The following NCAM1 variants were observed in gnomAD, a reference collection of about 807,000 sequenced individuals.
The protein encoded by NCAM1 is antigen recognized by monoclonal antibody 5.1H11.
In NCAM1, 14 loss-of-function variants were observed where a neutral mutation model predicts 109.8. The observed-to-expected ratio is 0.13, with a 90% CI of 0.08 to 0.20. The LOEUF is 0.20. Among genes scored for constraint, NCAM1 ranks in the 10% least tolerant of loss-of-function variants. The probability of loss-of-function intolerance (pLI) is 1.00; values close to 1 mark genes in which losing one functional copy is unlikely to be tolerated. For missense variants in NCAM1, 774 were observed against 1,109.9 expected, an observed-to-expected ratio of 0.70 and a Z score of 4.30; for synonymous variants, 418 against 442.9, an observed-to-expected ratio of 0.94 and a Z score of 0.70.
chr11:113,194,830 G>A (rs1943806001), intron 1 of NCAM1, among the ~76,000 whole-genome samples: 1 of 152,216 alleles, frequency 6.6e-6, no homozygotes, highest in South Asian at 2.1e-4. Flanking sequence ...GGCGACTTTA[G>A]ACAGCATTTC....
chr11:113,027,185 C>T (rs17114694), intron 1 of NCAM1, among the ~76,000 whole-genome samples: 6,363 of 151,944 alleles, frequency 0.042, 451 homozygotes, highest in Admixed American at 0.14. Flanking sequence ...TGTTGCTTCA[C>T]CAAAAAATAA....
chr11:113,087,875 G>A (rs1939159361), intron 1 of NCAM1, among the ~76,000 whole-genome samples: 1 of 152,184 alleles, frequency 6.6e-6, no homozygotes, highest in Non-Finnish European at 1.5e-5. Flanking sequence ...CAGAGGACAT[G>A]GTCTATCCTT....
intron 1 of NCAM1, among the ~76,000 whole-genome samples, chr11:113,183,587 AT>A (rs1231921181): frequency 6.6e-6 from 1 of 152,048 alleles, no homozygotes; most frequent in Non-Finnish European, 1.5e-5. Flanking sequence ...TCTTGGTGTG[AT>A]TTTTTTTATC....
intron 17 of NCAM1, chr11:113,265,145 C>A: frequency 1.0e-6 from 1 of 985,260 alleles, no homozygotes; most frequent in Non-Finnish European, 1.2e-6. Flanking sequence ...TCAGTGAGGG[C>A]TTTATGAAGT....
intron 14 of NCAM1, chr11:113,242,855 A>G (rs1555119366): frequency 6.2e-7 from 1 of 1,613,974 alleles, no homozygotes; most frequent in South Asian, 1.1e-5. Context: ...TAGTGAGTAC[A>G]GGGCTGAGTT....
intron 1 of NCAM1, among the ~76,000 whole-genome samples, chr11:112,990,194 G>C (rs1339882445): frequency 6.6e-6 from 1 of 152,204 alleles, no homozygotes; most frequent in Admixed American, 6.5e-5. Flanking sequence ...GTAGAGAGCA[G>C]GCTTGATTAC....
intron 1 of NCAM1, among the ~76,000 whole-genome samples, chr11:113,087,323 A>G (rs1190235236): frequency 6.6e-6 from 1 of 152,240 alleles, no homozygotes; most frequent in African/African-American, 2.4e-5. Context: ...CACTATGCTT[A>G]CAGCATTCAT....
At chr11:113,120,578 C>T (rs1311301362) in intron 1 of NCAM1, among the ~76,000 whole-genome samples, 1 of 152,054 alleles carries the variant, frequency 6.6e-6, no homozygotes, top group Non-Finnish European at 1.5e-5. Flanking sequence ...TTTTATTATC[C>T]GAGGATATAA....
intron 1 of NCAM1, among the ~76,000 whole-genome samples, chr11:113,018,728 T>A (rs1338251261): frequency 6.6e-6 from 1 of 152,222 alleles, no homozygotes; most frequent in East Asian, 1.9e-4. Context: ...GTGGTTGTGC[T>A]TGGTTTTTAA....
chr11:113,177,378 A>C (rs1555107215), intron 1 of NCAM1, among the ~76,000 whole-genome samples: 1 of 151,886 alleles, frequency 6.6e-6, no homozygotes, highest in East Asian at 1.9e-4. Flanking sequence ...TGTTTTCGCC[A>C]AAAAAAACCA....
At chr11:113,105,285 C>T (rs781938590) in intron 1 of NCAM1, among the ~76,000 whole-genome samples, 3 of 152,204 alleles carry the variant, frequency 2.0e-5, no homozygotes, top group Non-Finnish European at 4.4e-5. Context: ...ATGGACCTCA[C>T]CTTGCACTCC....
chr11:113,112,618 C>T lies in NCAM1; in HGVS notation c.53-89761C>T, dbSNP rs573717922. On this transcript the variant is annotated intron_variant, in intron 1 of 19. Coordinates refer to ENST00000316851, the MANE Select transcript of NCAM1 (RefSeq NM_181351.5). ...AAATAAGAAAAAACTGGACAGGGCTCATTGTTCACCATTATGTAGAGAAAG... is the reference window on the plus strand; with the variant it reads ...AAATAAGAAAAAACTGGACAGGGCTTATTGTTCACCATTATGTAGAGAAAG... Among the ~76,000 whole-genome samples, 39 of 152,262 alleles carry T rather than the reference C, an allele frequency of 2.6e-4. No individual in the cohort carries two copies. In the South Asian group the frequency reaches 7.7e-3, roughly 30 times the overall value.
At chr11:113,174,231 G>A (rs1485615019) in intron 1 of NCAM1, among the ~76,000 whole-genome samples, 3 of 152,114 alleles carry the variant, frequency 2.0e-5, no homozygotes, top group African/African-American at 4.8e-5. Context: ...TTAGTTCCTC[G>A]AATCTGCAGA....
chr11:112,997,164 AAAG>A (rs60644484), intron 1 of NCAM1, among the ~76,000 whole-genome samples: 39,720 of 151,708 alleles, frequency 0.26, 5,642 homozygotes, highest in East Asian at 0.53. Context: ...GTTAATCAGG[AAAG>A]AAGGATACTT....
In NCAM1 at chr11:113,017,586, C is replaced by T. The variant is rs150914458; in HGVS notation, c.52+55922C>T. Among the ~76,000 whole-genome samples, 542 of 147,588 alleles carry T rather than the reference C, an allele frequency of 3.7e-3. 3 individuals carry two copies. The highest frequency in any genetic ancestry group is 3.5e-3 in the Middle Eastern group (1 of 284). Reference sequence around the variant, plus strand: ...CTTCACTTCTGTCCAAAAAATAAAACGATTATTATACTTTTATGTTGATAA... The same window carrying T: ...CTTCACTTCTGTCCAAAAAATAAAATGATTATTATACTTTTATGTTGATAA... On this transcript the variant is annotated intron_variant, in intron 1 of 19. Transcript: ENST00000316851.
chr11:113,220,602 C>CTTTTTTTTTTTT lies in NCAM1; in HGVS notation c.1060-682_1060-671dup, dbSNP rs1175342641. Among the ~76,000 whole-genome samples, 302 of 75,592 alleles carry CTTTTTTTTTTTT rather than the reference C, an allele frequency of 4.0e-3. 31 individuals are homozygous for CTTTTTTTTTTTT. The highest frequency in any genetic ancestry group is 0.033 in the East Asian group (61 of 1,836). 49.6% of individuals were successfully genotyped at this position (75,592 alleles called of 152,430 possible). A position where few individuals can be genotyped will look rare whatever the true frequency, so the allele number is the denominator to read the frequency against. ...AGACCTATTCTCTCTCTCTCTCTCTCTTTTTTTTTTTTTTTTTTTTTTTGA... is the reference window on the plus strand; with the variant it reads ...AGACCTATTCTCTCTCTCTCTCTCTCTTTTTTTTTTTTTTTTTTTTTTTTTTTTTTTTTTTGA... On this transcript the variant is annotated intron_variant, in intron 8 of 19. Transcript: ENST00000316851.
At chr11:113,111,005 C>G (rs1464564366) in intron 1 of NCAM1, among the ~76,000 whole-genome samples, 1 of 152,186 alleles carries the variant, frequency 6.6e-6, no homozygotes, top group Non-Finnish European at 1.5e-5. Flanking sequence ...GAGATGGGCA[C>G]TATTTTAACC....
intron 1 of NCAM1, among the ~76,000 whole-genome samples, chr11:113,015,973 G>A (rs782229251): frequency 2.6e-5 from 4 of 152,142 alleles, no homozygotes; most frequent in Non-Finnish European, 4.4e-5. Flanking sequence ...ATCAGGTGTC[G>A]AGTGGGCTTT....
At chr11:113,046,821 A>G (rs1232585201) in intron 1 of NCAM1, among the ~76,000 whole-genome samples, 1 of 152,130 alleles carries the variant, frequency 6.6e-6, no homozygotes, top group Non-Finnish European at 1.5e-5. Context: ...AGAGAGAAAG[A>G]AAAAGAAAGA....
Sources: allele counts gnomAD v4.1 joint callset (sites outside exome capture counted in the v4.1 genomes callset), GRCh38; gene constraint gnomAD v4.1.1; transcripts MANE v1.5; gene names NCBI Gene and HGNC (gene_info 2026-07-23, HGNC 2026-07-21).